CWF19L1: variants seen among roughly 807,000 people sequenced by gnomAD.
CWF19L1 encodes the protein CWF19 like cell cycle control factor 1, also known as CWF19-like protein 1.
CWF19L1 carries 60 observed loss-of-function variants against 69.7 expected under a neutral mutation model. That is an observed-to-expected ratio of 0.86 (90% CI 0.70 to 1.07). CWF19L1 has a LOEUF of 1.07. CWF19L1 is among the 50% of genes least tolerant of loss of function. The pLI is 0.00. For missense variants in CWF19L1, 591 were observed against 638.9 expected (o/e 0.92, Z 0.81); for synonymous variants, 209 against 222.2 (o/e 0.94, Z 0.53).
At chr10:100,254,968 C>A (rs1442923121) in intron 5 of CWF19L1, among the ~76,000 whole-genome samples, 1 of 152,180 alleles carries the variant, frequency 6.6e-6, no homozygotes, top group Non-Finnish European at 1.5e-5. Context: ...GTCATGGACA[C>A]ATGGTGCTGA....
rs80156914 is a variant in CWF19L1, at chr10:100,241,125, G to A, written c.1044+2573C>T. ...CAGGTTCAAGCAATTCTCTGCCTCA[G>A]CCTCCTGAGTAGCTGGGATTGCAGG... On this transcript the variant is annotated intron_variant, in intron 10 of 13. Transcript: ENST00000354105. Among the ~76,000 whole-genome samples the A allele has an allele frequency of 8.5e-4, 122 of 143,496 alleles. 2 individuals carry two copies. The East Asian group carries it at 0.024, about 28-fold the overall frequency. 94.1% of individuals were successfully genotyped at this position (143,496 alleles called of 152,430 possible).
intron 1 of CWF19L1, among the ~76,000 whole-genome samples, chr10:100,265,307 A>G (rs1039355095): frequency 6.6e-6 from 1 of 152,046 alleles, no homozygotes; most frequent in Non-Finnish European, 1.5e-5. Context: ...CAGTAAACTA[A>G]GGTTTACTGT....
chr10:100,247,881 CAG>C (rs1320255695), intron 7 of CWF19L1, among the ~76,000 whole-genome samples: 2 of 151,824 alleles, frequency 1.3e-5, no homozygotes, highest in African/African-American at 2.4e-5. Flanking sequence ...GGGCAATAGA[CAG>C]AGACTCCATC....
At position 100,262,522 on chromosome 10, in the gene CWF19L1, A is replaced by G. The variant is rs1013703877; in HGVS notation, c.24-459T>C. The G allele has an allele frequency of 9.6e-6, 9 of 937,628 alleles. No homozygotes were observed. The African/African-American group carries it at 1.4e-4, about 15-fold the overall frequency. 58.1% of individuals were successfully genotyped at this position (937,628 alleles called of 1,614,324 possible). Reference sequence around the variant, plus strand: ...GATAAACAGGTACTGGACACCTACCATACGCTAAGTACAATATGCCAAGTA... The same window carrying G: ...GATAAACAGGTACTGGACACCTACCGTACGCTAAGTACAATATGCCAAGTA... On this transcript the variant is annotated intron_variant, in intron 1 of 13. Transcript: ENST00000354105.
chr10:100,267,579 C>T lies in CWF19L1; in HGVS notation c.15G>A (p.Pro5=). The part of the protein sequence containing the change: MAQK[P]LRLLACGDVE... Reference sequence around the variant, plus strand: ...CATTCACGGTCACTCACAGGCGCAGCGGTTTCTGTGCCATCTGTCCGAATA... The same window carrying T: ...CATTCACGGTCACTCACAGGCGCAGTGGTTTCTGTGCCATCTGTCCGAATA... Residue 5 remains proline, a synonymous_variant, in exon 1 of 14, where the codon CCG becomes CCA. Transcript: ENST00000354105. 1 of 1,614,196 alleles carries T rather than the reference C, an allele frequency of 6.2e-7. No individual in the cohort carries two copies. Among genetic ancestry groups the T allele is most frequent in the South Asian group, 1.1e-5 (1 of 91,082 alleles).
intron 1 of CWF19L1, among the ~76,000 whole-genome samples, chr10:100,264,845 GCA>G (rs1847519226): frequency 6.6e-6 from 1 of 152,050 alleles, no homozygotes; most frequent in Admixed American, 6.6e-5. Context: ...TTAAAGCCAG[GCA>G]CAGTGGCTCA....
intron 13 of CWF19L1, among the ~76,000 whole-genome samples, chr10:100,235,138 A>G (rs543024823): frequency 6.6e-6 from 1 of 152,360 alleles, no homozygotes; most frequent in East Asian, 1.9e-4. Flanking sequence ...ACTGTATTGG[A>G]CAGTGCAGAT....
At chr10:100,248,132 A>T in intron 7 of CWF19L1, 1 of 546,442 alleles carries the variant, frequency 1.8e-6, no homozygotes, top group Non-Finnish European at 3.3e-6. Flanking sequence ...TCAGTTTGAA[A>T]GGGCAATTAA....
Position 100,236,903 on chromosome 10 carries a change from G to C in CWF19L1, c.1321C>G (p.Gln441Glu). ...TCCAACAGCTCTATCTGCTGCTCCT[G>C]TGCCTGGGTAATGAAGGCATCTTTA... ...DIKDAFITQA[Q>E]EQQIELLEIP... Residue 441 changes from glutamine to glutamate, a missense_variant, in exon 12 of 14, where the codon CAG becomes GAG. Physicochemically the swap from Gln to Glu is conservative, Grantham distance 29. Coordinates refer to ENST00000354105, the MANE Select transcript of CWF19L1 (RefSeq NM_018294.6). 6.2e-7 allele frequency: 1 copy of C among 1,612,366 alleles called. No homozygotes were observed. Among genetic ancestry groups the C allele is most frequent in the Non-Finnish European group, 8.5e-7 (1 of 1,179,150 alleles).
At chr10:100,253,351 C>G in intron 6 of CWF19L1, 70 bp downstream of exon 6, 2 of 913,148 alleles carry the variant, frequency 2.2e-6, no homozygotes, top group South Asian at 2.9e-5. Flanking sequence ...TAAAAACGAA[C>G]AAGAGAAGTT....
Position 100,233,159 on chromosome 10 carries a change from T to C in CWF19L1, c.*68A>G. ...CGAGACTTTGTCTCAAAAAAAATTC[T>C]TTTAATTAAAAAAAAAAAAAAGCTT... On this transcript the variant is annotated 3_prime_UTR_variant, in exon 14 of 14. Coordinates refer to ENST00000354105, the MANE Select transcript of CWF19L1 (RefSeq NM_018294.6). The C allele has an allele frequency of 6.8e-7, 1 of 1,472,240 alleles. No individual in the cohort carries two copies. Among genetic ancestry groups the C allele is most frequent in the Non-Finnish European group, 9.1e-7 (1 of 1,098,754 alleles). The allele number at this position is 1,472,240 out of a possible 1,614,324, so 91.2% of individuals were successfully genotyped here. A position where few individuals can be genotyped will look rare whatever the true frequency, so the allele number is the denominator to read the frequency against.
chr10:100,236,145 C>A (rs934337379), intron 12 of CWF19L1, among the ~76,000 whole-genome samples: 6 of 148,874 alleles, frequency 4.0e-5, no homozygotes, highest in South Asian at 4.2e-4. Context: ...TGCGATGTTG[C>A]CCAGGCTGAA....
chr10:100,251,025 T>C (rs528031368), intron 6 of CWF19L1, among the ~76,000 whole-genome samples: 4 of 152,280 alleles, frequency 2.6e-5, no homozygotes, highest in African/African-American at 9.6e-5. Context: ...GTTTTCACGG[T>C]TCAACCATGT....
At chr10:100,239,338 A>C (rs1335915332) in intron 10 of CWF19L1, among the ~76,000 whole-genome samples, 1 of 152,160 alleles carries the variant, frequency 6.6e-6, no homozygotes, top group African/African-American at 2.4e-5. Flanking sequence ...AAATATAGAT[A>C]CGTTAGAAAA....
At chr10:100,241,000 CTTTTTTTTTTTTTTT>C (rs56262807) in intron 10 of CWF19L1, among the ~76,000 whole-genome samples, 1 of 70,608 alleles carries the variant, frequency 1.4e-5, no homozygotes, top group Non-Finnish European at 2.7e-5. Flanking sequence ...CTAATTAAGC[CTTTTTTTTTTTTTTT>C]TTTTTTTTTT....
intron 10 of CWF19L1, among the ~76,000 whole-genome samples, chr10:100,242,257 A>C (rs1015079292): frequency 6.6e-6 from 1 of 152,214 alleles, no homozygotes; most frequent in Non-Finnish European, 1.5e-5. Context: ...TCACACCAGG[A>C]GTGTGAATAT....
In CWF19L1 at chr10:100,267,630, A is replaced by T. The variant is rs781722995; in HGVS notation, c.-37T>A. The T allele has an allele frequency of 6.2e-7, 1 of 1,613,964 alleles. No homozygotes were observed. The highest frequency in any genetic ancestry group is 8.5e-7 in the Non-Finnish European group (1 of 1,179,840). ...GTATGGGTTGCGACTGCCACCTAAA[A>T]TTGGGAATGCGAATCCGCGCTCCCC... On this transcript the variant is annotated 5_prime_UTR_variant, in exon 1 of 14. Transcript: ENST00000354105.
At chr10:100,263,767 A>G (rs1847480068) in intron 1 of CWF19L1, among the ~76,000 whole-genome samples, 1 of 152,150 alleles carries the variant, frequency 6.6e-6, no homozygotes, top group African/African-American at 2.4e-5. Context: ...TTAAACCATC[A>G]CAAGCCTTGT....
At chr10:100,244,656 G>A (rs999967872) in intron 9 of CWF19L1, among the ~76,000 whole-genome samples, 3 of 149,994 alleles carry the variant, frequency 2.0e-5, no homozygotes, top group Admixed American at 6.7e-5. Context: ...CGCCTGGCCC[G>A]TTATTTTATT....
Sources: allele counts gnomAD v4.1 joint callset (sites outside exome capture counted in the v4.1 genomes callset), GRCh38; gene constraint gnomAD v4.1.1; transcripts MANE v1.5; gene names NCBI Gene and HGNC (gene_info 2026-07-23, HGNC 2026-07-21).